PCDHB13: variants seen among roughly 807,000 people sequenced by gnomAD.
PCDHB13 encodes the protein protocadherin beta 13.
For missense variants in PCDHB13, 1,065 were observed against 1,016.7 expected (o/e 1.05, Z -0.65); for synonymous variants, 515 against 450.7 (o/e 1.14, Z -1.81).
In PCDHB13 at chr5:141,216,527, T is replaced by C. The variant is rs906096764; in HGVS notation, c.*7T>C. The C allele has an allele frequency of 6.2e-7, 1 of 1,603,492 alleles. No homozygotes were observed. Among genetic ancestry groups the C allele is most frequent in the East Asian group, 2.2e-5 (1 of 44,834 alleles). ...TGGGTTCAATATTCAGTGACCATAG[T>C]TGACTTTTACATTCCATAGGTATTT... On this transcript the variant is annotated 3_prime_UTR_variant, in exon 1 of 1. Transcript: ENST00000341948.
Position 141,214,662 on chromosome 5 carries a change from G to A in PCDHB13, c.539G>A (p.Arg180Gln), listed in dbSNP as rs782277933. ...NYIISPNSYF[R>Q]VLTRKRSDGR... ...ATAATCAGCCCCAACTCCTATTTTC[G>A]GGTCCTCACCCGCAAACGCAGTGAT... Residue 180 changes from arginine (R) to glutamine (Q), a missense_variant, in exon 1 of 1, where the codon CGG (arginine) becomes CAG (glutamine). Transcript: ENST00000341948. The A allele has an allele frequency of 3.7e-6, 6 of 1,613,840 alleles. No individual in the cohort carries two copies. In the East Asian group the frequency reaches 1.1e-4, roughly 30 times the overall value.
Position 141,214,357 on chromosome 5 carries a change from C to A in PCDHB13, c.234C>A (p.Leu78=), listed in dbSNP as rs1588390141. The change falls in exon 1 of 1, where the codon CTC becomes CTA. Residue 78 remains leucine, a synonymous_variant. Transcript: ENST00000341948. ...GAGGGAACAAACTACATTTGCAGCT[C>A]AATCAGGAGACCGCGGATTTGTTGC... ...VSRGNKLHLQ[L]NQETADLLLN... is the part of the protein sequence containing the mutation. The A allele has an allele frequency of 7.2e-7, 1 of 1,386,060 alleles. No individual in the cohort carries two copies. The highest frequency in any genetic ancestry group is 2.3e-5 in the East Asian group (1 of 42,568). 85.9% of individuals were successfully genotyped at this position (1,386,060 alleles called of 1,614,324 possible).
At position 141,215,866 on chromosome 5, in the gene PCDHB13, G is replaced by A; in HGVS notation, c.1743G>A (p.Glu581=). Residue 581 remains glutamate, a synonymous_variant, in exon 1 of 1, where the codon GAG becomes GAA. Transcript: ENST00000341948. ...PCTELVPRAA[E]PGYLVTKVVA... is the part of the protein sequence containing the mutation. ...CCGAGCTGGTGCCCCGGGCGGCCGA[G>A]CCGGGCTACCTGGTGACCAAGGTGG... 1.2e-6 allele frequency: 2 copies of A among 1,607,512 alleles called. No homozygotes were observed. The highest frequency in any genetic ancestry group is 1.7e-6 in the Non-Finnish European group (2 of 1,178,630).
chr5:141,214,477 T>G lies in PCDHB13; in HGVS notation c.354T>G (p.Phe118Leu). ...TGCTAGAGAGTCCCTTCGAGTTTTT[T>G]CAAGCTGAGCTGCAAGTAATAGACA... ...QVLLESPFEF[F>L]QAELQVIDIN... The change falls in exon 1 of 1, where the codon TTT becomes TTG. Residue 118 changes from phenylalanine (F) to leucine (L), a missense_variant. Transcript: ENST00000341948. 6.3e-7 allele frequency: 1 copy of G among 1,596,700 alleles called. No individual in the cohort carries two copies. The highest frequency in any genetic ancestry group is 2.2e-5 in the East Asian group (1 of 44,734).
chr5:141,216,458 C>T lies in PCDHB13; in HGVS notation c.2335C>T (p.Pro779Ser), dbSNP rs782414871. ...PIIPNFPPQC[P>S]GKEIQGNSTF... is the part of the protein sequence containing the mutation. ...TATCCCCAACTTCCCTCCCCAGTGC[C>T]CTGGGAAAGAAATACAAGGAAATTC... Residue 779 changes from proline to serine, a missense_variant, in exon 1 of 1, where the codon CCT becomes TCT. Physicochemically the swap from Pro to Ser is moderately conservative, Grantham distance 74. Transcript: ENST00000341948. 1.2e-6 allele frequency: 2 copies of T among 1,614,114 alleles called. No homozygotes were observed. Among genetic ancestry groups the T allele is most frequent in the East Asian group, 2.2e-5 (1 of 44,862 alleles).
In PCDHB13 at chr5:141,215,047, C is replaced by T. The variant is rs782628868; in HGVS notation, c.924C>T (p.Leu308=). The stretch of plus-strand genomic sequence containing the variant: ...GAGAAATTGAACTAAAAAAACAACT[C>T]GATTTCGAAAAACTTCAGTCCTATG... ...LTGEIELKKQ[L]DFEKLQSYEV... is the part of the protein sequence containing the mutation. Residue 308 remains leucine (L), a synonymous_variant, in exon 1 of 1, where the codon CTC becomes CTT. Transcript: ENST00000341948. The T allele has an allele frequency of 2.3e-5, 37 of 1,614,078 alleles. No homozygotes were observed. The highest frequency in any genetic ancestry group is 3.3e-5 in the Admixed American group (2 of 60,014).
At position 141,215,630 on chromosome 5, in the gene PCDHB13, C is replaced by T. The variant is rs1190883468; in HGVS notation, c.1507C>T (p.Leu503=). ...PQDPHLPLTS[L]VSINADNGHL... The stretch of plus-strand genomic sequence containing the variant: ...GGACCCGCACCTGCCCCTCACATCC[C>T]TGGTCTCCATCAACGCGGACAACGG... The change falls in exon 1 of 1, where the codon CTG becomes TTG. Residue 503 remains leucine (L), a synonymous_variant. Transcript: ENST00000341948. The T allele has an allele frequency of 3.7e-6, 6 of 1,613,400 alleles. No homozygotes were observed. Among genetic ancestry groups the T allele is most frequent in the African/African-American group, 1.3e-5 (1 of 74,926 alleles).
rs1465605587 is a variant in PCDHB13 at position 141,214,897 on chromosome 5, A to G, written c.774A>G (p.Val258=). Residue 258 remains valine, a synonymous_variant, in exon 1 of 1, where the codon GTA becomes GTG. Coordinates refer to ENST00000341948, the MANE Select transcript of PCDHB13 (RefSeq NM_018933.4). ...YRVQISEDSP[V]GFLVVKVSAT... Reference sequence around the variant, plus strand: ...TGCAGATCTCTGAGGACAGTCCGGTAGGCTTCCTGGTTGTGAAGGTCTCTG... The same window carrying G: ...TGCAGATCTCTGAGGACAGTCCGGTGGGCTTCCTGGTTGTGAAGGTCTCTG... 1 of 1,614,034 alleles carries G rather than the reference A, an allele frequency of 6.2e-7. No individual in the cohort carries two copies. Among genetic ancestry groups the G allele is most frequent in the East Asian group, 2.2e-5 (1 of 44,884 alleles).
chr5:141,213,944 A>C lies in PCDHB13; in HGVS notation c.-180A>C. 3 of 606,128 alleles carry C rather than the reference A, an allele frequency of 4.9e-6. No individual in the cohort carries two copies. Among genetic ancestry groups the C allele is most frequent in the Non-Finnish European group, 9.1e-6 (3 of 331,352 alleles). The allele number at this position is 606,128 out of a possible 1,614,324, so 37.5% of individuals were successfully genotyped here. A position where few individuals can be genotyped will look rare whatever the true frequency, so the allele number is the denominator to read the frequency against. On this transcript the variant is annotated 5_prime_UTR_variant, in exon 1 of 1. Transcript: ENST00000341948. ...GCAGCTCCATTAACCGGCAAAAAGC[A>C]GCAGAACCTGGAAGTCCACGGGGAG...
Position 141,215,428 on chromosome 5 carries a change from C to A in PCDHB13, c.1305C>A (p.Leu435=). The A allele has an allele frequency of 6.2e-7, 1 of 1,614,168 alleles. No homozygotes were observed. The highest frequency in any genetic ancestry group is 8.5e-7 in the Non-Finnish European group (1 of 1,180,032). Residue 435 remains leucine (L), a synonymous_variant, in exon 1 of 1, where the codon CTC becomes CTA. Transcript: ENST00000341948. ...DLGTPMLITQ[L]NMTVLIADVN... ...GGACCCCTATGCTGATAACACAGCT[C>A]AATATGACCGTGCTGATCGCCGATG...
chr5:141,215,077 C>A lies in PCDHB13; in HGVS notation c.954C>A (p.Val318=). ...LDFEKLQSYE[V]NIEARDAGTF... ...TCGAAAAACTTCAGTCCTATGAAGT[C>A]AATATTGAGGCAAGAGATGCTGGAA... The change falls in exon 1 of 1, where the codon GTC becomes GTA. Residue 318 remains valine (V), a synonymous_variant. Transcript: ENST00000341948. 6.2e-7 allele frequency: 1 copy of A among 1,614,134 alleles called. No homozygotes were observed. Among genetic ancestry groups the A allele is most frequent in the South Asian group, 1.1e-5 (1 of 91,064 alleles).
rs781857093 is a variant in PCDHB13, at chr5:141,216,293, C to T, written c.2170C>T (p.Arg724Cys). ...GAGGAGCAGGGCGGCCTCGGTGGGT[C>T]GCTGCTTGGTGCCCGAGGGCCCCCT... ...CRRSRAASVGRCLVPEGPLPG... is the reference protein window; with the variant it reads ...CRRSRAASVGCCLVPEGPLPG... The change falls in exon 1 of 1, where the codon CGC becomes TGC. Residue 724 changes from arginine to cysteine, a missense_variant. Coordinates refer to ENST00000341948, the MANE Select transcript of PCDHB13 (RefSeq NM_018933.4). The T allele has an allele frequency of 9.3e-6, 15 of 1,613,608 alleles. No homozygotes were observed. Among genetic ancestry groups the T allele is most frequent in the Admixed American group, 5.0e-5 (3 of 59,976 alleles).
In PCDHB13 at chr5:141,214,610, G is replaced by A. The variant is rs2860677; in HGVS notation, c.487G>A (p.Val163Ile). 496 of 1,608,442 alleles carry A rather than the reference G, an allele frequency of 3.1e-4. 1 individual carries two copies. Among genetic ancestry groups the A allele is most frequent in the South Asian group, 2.2e-3 (197 of 90,634 alleles). Residue 163 changes from valine (V) to isoleucine (I), a missense_variant, in exon 1 of 1, where the codon GTA becomes ATA. Coordinates refer to ENST00000341948, the MANE Select transcript of PCDHB13 (RefSeq NM_018933.4). Reference sequence around the variant, plus strand: ...TCTGAAGAATGCCGAAGACTTAGATGTAGGCCAAAACAATATTGAGAACTA... The same window carrying A: ...TCTGAAGAATGCCGAAGACTTAGATATAGGCCAAAACAATATTGAGAACTA... Reference protein sequence around the residue: ...FPLKNAEDLDVGQNNIENYII... With the variant: ...FPLKNAEDLDIGQNNIENYII...
chr5:141,214,774 T>C lies in PCDHB13; in HGVS notation c.651T>C (p.Asp217=). The C allele has an allele frequency of 6.2e-7, 1 of 1,614,182 alleles. No individual in the cohort carries two copies. Among genetic ancestry groups the C allele is most frequent in the Non-Finnish European group, 8.5e-7 (1 of 1,180,034 alleles). The stretch of plus-strand genomic sequence containing the variant: ...TCAGGTTAACACTCACAGCACTGGA[T>C]GGTGGCTCTCCGCCCAGATCTGGCA... ...AELRLTLTAL[D]GGSPPRSGTA... is the part of the protein sequence containing the mutation. The change falls in exon 1 of 1, where the codon GAT becomes GAC. Residue 217 remains aspartate (D), a synonymous_variant. Coordinates refer to ENST00000341948, the MANE Select transcript of PCDHB13 (RefSeq NM_018933.4).
Position 141,214,912 on chromosome 5 carries a change from G to A in PCDHB13, c.789G>A (p.Val263=). The change falls in exon 1 of 1, where the codon GTG becomes GTA. Residue 263 remains valine (V), a synonymous_variant. Coordinates refer to ENST00000341948, the MANE Select transcript of PCDHB13 (RefSeq NM_018933.4). ...SEDSPVGFLV[V]KVSATDVDTG... The stretch of plus-strand genomic sequence containing the variant: ...ACAGTCCGGTAGGCTTCCTGGTTGT[G>A]AAGGTCTCTGCCACGGATGTAGACA... 3 of 1,614,234 alleles carry A rather than the reference G, an allele frequency of 1.9e-6. No homozygotes were observed. Among genetic ancestry groups the A allele is most frequent in the Non-Finnish European group, 2.5e-6 (3 of 1,180,050 alleles).
chr5:141,215,069 T>G lies in PCDHB13; in HGVS notation c.946T>G (p.Tyr316Asp). The G allele has an allele frequency of 6.2e-7, 1 of 1,614,164 alleles. No homozygotes were observed. The highest frequency in any genetic ancestry group is 1.3e-5 in the African/African-American group (1 of 75,046). ...KQLDFEKLQS[Y>D]EVNIEARDAG... Reference sequence around the variant, plus strand: ...ACTCGATTTCGAAAAACTTCAGTCCTATGAAGTCAATATTGAGGCAAGAGA... The same window carrying G: ...ACTCGATTTCGAAAAACTTCAGTCCGATGAAGTCAATATTGAGGCAAGAGA... Residue 316 changes from tyrosine (Y) to aspartate (D), a missense_variant, in exon 1 of 1, where the codon TAT becomes GAT. Coordinates refer to ENST00000341948, the MANE Select transcript of PCDHB13 (RefSeq NM_018933.4).
rs1554287722 is a variant in PCDHB13, at chr5:141,214,820, G to A, written c.697G>A (p.Val233Ile). ...RSGTAQVYIEVLDVNDNAPEF... is the reference protein window; with the variant it reads ...RSGTAQVYIEILDVNDNAPEF... ...TGGCACTGCTCAGGTCTACATCGAA[G>A]TCCTGGATGTCAACGATAATGCCCC... Residue 233 changes from valine to isoleucine, a missense_variant, in exon 1 of 1, where the codon GTC becomes ATC. Val to Ile is a conservative substitution (Grantham distance 29). Coordinates refer to ENST00000341948, the MANE Select transcript of PCDHB13 (RefSeq NM_018933.4). 1 of 1,614,254 alleles carries A rather than the reference G, an allele frequency of 6.2e-7. No homozygotes were observed. Among genetic ancestry groups the A allele is most frequent in the Non-Finnish European group, 8.5e-7 (1 of 1,180,056 alleles).
rs371293374 is a variant in PCDHB13, at chr5:141,214,797, G to A, written c.674G>A (p.Gly225Asp). 1 of 1,614,174 alleles carries A rather than the reference G, an allele frequency of 6.2e-7. No homozygotes were observed. The highest frequency in any genetic ancestry group is 8.5e-7 in the Non-Finnish European group (1 of 1,180,036). ...ALDGGSPPRS[G>D]TAQVYIEVLD... ...GATGGTGGCTCTCCGCCCAGATCTG[G>A]CACTGCTCAGGTCTACATCGAAGTC... The change falls in exon 1 of 1, where the codon GGC becomes GAC. Residue 225 changes from glycine (G) to aspartate (D), a missense_variant. By Grantham distance (94) the Gly-to-Asp change is moderately conservative. Coordinates refer to ENST00000341948, the MANE Select transcript of PCDHB13 (RefSeq NM_018933.4).
Position 141,215,577 on chromosome 5 carries a change from A to G in PCDHB13, c.1454A>G (p.Gln485Arg), listed in dbSNP as rs1191988881. 2 of 1,613,396 alleles carry G rather than the reference A, an allele frequency of 1.2e-6. No homozygotes were observed. The highest frequency in any genetic ancestry group is 1.7e-6 in the Non-Finnish European group (2 of 1,179,982). Residue 485 changes from glutamine to arginine, a missense_variant, in exon 1 of 1, where the codon CAG becomes CGG. Physicochemically the swap from Gln to Arg is conservative, Grantham distance 43. Coordinates refer to ENST00000341948, the MANE Select transcript of PCDHB13 (RefSeq NM_018933.4). ...GACAGAGACTCAGGCACCAACGCCCAGGTCACCTACTCGCTGCTGCCGCCC... is the reference window on the plus strand; with the variant it reads ...GACAGAGACTCAGGCACCAACGCCCGGGTCACCTACTCGCTGCTGCCGCCC... ...ATDRDSGTNA[Q>R]VTYSLLPPQD...
Sources: allele counts gnomAD v4.1 joint callset, GRCh38; gene constraint gnomAD v4.1.1; transcripts MANE v1.5; gene names NCBI Gene and HGNC (gene_info 2026-07-23, HGNC 2026-07-21).